UNC80: variants seen among roughly 807,000 people sequenced by gnomAD.
UNC80 encodes the protein protein unc-80 homolog.
UNC80 carries 164 observed loss-of-function variants against 384.6 expected under a neutral mutation model. That is an observed-to-expected ratio of 0.43 (90% CI 0.38 to 0.49). UNC80 has a LOEUF of 0.49. UNC80 is among the 20% of genes least tolerant of loss of function. UNC80 has a pLI of 0.00. For synonymous variants in UNC80, 1,486 were observed against 1,527.8 expected, an observed-to-expected ratio of 0.97 and a Z score of 0.64; for missense variants, 3,330 against 4,143.0, an observed-to-expected ratio of 0.80 and a Z score of 5.39.
At chr2:209,896,537 G>C (rs960234961) in intron 28 of UNC80, 124 bp downstream of exon 28, 1 of 811,416 alleles carries the variant, frequency 1.2e-6, no homozygotes, top group African/African-American at 1.7e-5. Flanking sequence ...GAGAAAGCAG[G>C]GGCTTATGTT....
At chr2:209,846,183 G>A (rs182513597) in intron 21 of UNC80, among the ~76,000 whole-genome samples, 22 of 152,144 alleles carry the variant, frequency 1.4e-4, no homozygotes, top group Admixed American at 3.3e-4. Context: ...CAGTTTAAAT[G>A]CAGTACTTTA....
Position 209,977,058 on chromosome 2 carries a change from A to T in UNC80, c.8918A>T (p.Glu2973Val). 1 of 1,521,192 alleles carries T rather than the reference A, an allele frequency of 6.6e-7. No individual in the cohort carries two copies. The highest frequency in any genetic ancestry group is 8.9e-7 in the Non-Finnish European group (1 of 1,121,952). The allele number at this position is 1,521,192 out of a possible 1,614,324, so 94.2% of individuals were successfully genotyped here. Residue 2973 changes from glutamate (E) to valine (V), a missense_variant, in exon 58 of 65, where the codon GAG (glutamate) becomes GTG (valine). This residue lies in a region of UNC80 where 216 missense variants were observed against 245.3 expected (regional missense o/e 0.88). Transcript: ENST00000673920. ...EFNSELKILK[E>V]AVHSGSAYQG... is the part of the protein sequence containing the mutation. ...AACAGTGAACTAAAAATTCTAAAAG[A>T]GGCAGTTCATAGTGGATCAGGTGAG...
At chr2:209,825,521 C>T (rs770239698) in intron 13 of UNC80, among the ~76,000 whole-genome samples, 31 of 152,126 alleles carry the variant, frequency 2.0e-4, no homozygotes, top group Non-Finnish European at 4.3e-4. Context: ...TAATCCTTTC[C>T]TGGTGTATCA....
At chr2:209,841,054 A>T (rs559630204) in intron 20 of UNC80, among the ~76,000 whole-genome samples, 55 of 150,826 alleles carry the variant, frequency 3.6e-4, no homozygotes, top group African/African-American at 1.3e-3. Flanking sequence ...TTTTGGCACC[A>T]TGTGAACCAC....
chr2:209,965,716 C>T (rs375382550), intron 51 of UNC80, among the ~76,000 whole-genome samples: 18 of 152,114 alleles, frequency 1.2e-4, no homozygotes, highest in African/African-American at 3.6e-4. Flanking sequence ...CCAACACACC[C>T]GGCCAGAAGG....
At chr2:209,977,589 T>C (rs899424139) in intron 58 of UNC80, among the ~76,000 whole-genome samples, 5 of 152,310 alleles carry the variant, frequency 3.3e-5, no homozygotes, top group Admixed American at 3.3e-4. Flanking sequence ...CTTACTACTG[T>C]CACATAGAAA....
At chr2:209,903,236 G>T (rs2087633955) in intron 28 of UNC80, among the ~76,000 whole-genome samples, 1 of 143,828 alleles carries the variant, frequency 7.0e-6, no homozygotes, top group Non-Finnish European at 1.5e-5. Context: ...TCTGCAGTTG[G>T]TTGAATCCAC....
intron 22 of UNC80, among the ~76,000 whole-genome samples, chr2:209,857,603 G>C (rs955438625): frequency 2.6e-5 from 4 of 151,698 alleles, no homozygotes; most frequent in African/African-American, 4.8e-5. Context: ...TTTCTCTCAT[G>C]CTTTGGGCTA....
At chr2:209,804,212 T>C (rs1398748243) in intron 7 of UNC80, among the ~76,000 whole-genome samples, 1 of 152,224 alleles carries the variant, frequency 6.6e-6, no homozygotes, top group African/African-American at 2.4e-5. Context: ...AGGCATAGGA[T>C]ACCTGCTCTG....
rs78173610 is a variant in UNC80, at chr2:209,944,206, T to C, written c.7050+692T>C. On this transcript the variant is annotated intron_variant, in intron 45 of 64. Transcript: ENST00000673920. Reference sequence around the variant, plus strand: ...ATAAATAGACCAACTCTACAGTTTTTTAAATATTCAATTCATAAAAGAGAT... The same window carrying C: ...ATAAATAGACCAACTCTACAGTTTTCTAAATATTCAATTCATAAAAGAGAT... Among the ~76,000 whole-genome samples the C allele has an allele frequency of 3.3e-3, 506 of 152,328 alleles. 2 individuals carry two copies. Among genetic ancestry groups the C allele is most frequent in the African/African-American group, 0.012 (488 of 41,564 alleles).
chr2:209,804,333 C>G (rs917081835), intron 7 of UNC80, among the ~76,000 whole-genome samples: 4 of 152,096 alleles, frequency 2.6e-5, no homozygotes, highest in African/African-American at 9.7e-5. Flanking sequence ...CTATTCCTGC[C>G]CATGGTTCTT....
At position 209,904,859 on chromosome 2, in the gene UNC80, C is replaced by G. The variant is rs1190896933; in HGVS notation, c.4676C>G (p.Ala1559Gly). Residue 1559 changes from alanine to glycine, a missense_variant, in exon 29 of 65, where the codon GCC (alanine) becomes GGC (glycine). This residue lies in a region of UNC80 where 801 missense variants were observed against 950.8 expected (regional missense o/e 0.84). Transcript: ENST00000673920. ...HCYLHHSRSC[A>G]RLVRAIKLLY... ...TACCTGCACCACAGCCGCTCCTGTG[C>G]CCGACTGGTCAGAGCCATCAAGCTA... The G allele has an allele frequency of 3.9e-6, 6 of 1,551,832 alleles. No individual in the cohort carries two copies. The East Asian group carries it at 1.5e-4, about 38-fold the overall frequency.
rs1490724444 is a variant in UNC80 at position 209,793,840 on chromosome 2, A to G, written c.919A>G (p.Arg307Gly). 2 of 1,614,200 alleles carry G rather than the reference A, an allele frequency of 1.2e-6. No homozygotes were observed. The highest frequency in any genetic ancestry group is 1.7e-6 in the Non-Finnish European group (2 of 1,180,022). Residue 307 changes from arginine to glycine, a missense_variant, in exon 7 of 65, where the codon AGA (arginine) becomes GGA (glycine). Physicochemically the swap from Arg to Gly is moderately radical, Grantham distance 125. Transcript: ENST00000673920. The part of the protein sequence containing the change: ...GSLSSQTSQE[R>G]GPSHSRASLV... ...TCTGTCCTCCCAAACTTCCCAGGAA[A>G]GAGGCCCATCACATTCCAGGTACCT...
chr2:209,967,437 G>C lies in UNC80; in HGVS notation c.7806G>C (p.Arg2602Ser). ...LELLDVKSHM[R>S]LAEIAHSLLK... ...ATATATACATATATATATATTTTAG[G>C]TTGGCAGAAATTGCACACTCCCTTC... The change falls in exon 52 of 65, where the codon AGG becomes AGC. Residue 2602 changes from arginine to serine, a missense_variant and splice_region_variant. Physicochemically the swap from Arg to Ser is moderately radical, Grantham distance 110 (BLOSUM62 -1). This residue lies in a region of UNC80 where 1,049 missense variants were observed against 1,488.6 expected (regional missense o/e 0.70). Transcript: ENST00000673920. 4 of 1,548,250 alleles carry C rather than the reference G, an allele frequency of 2.6e-6. No homozygotes were observed. The highest frequency in any genetic ancestry group is 3.5e-6 in the Non-Finnish European group (4 of 1,145,514).
intron 24 of UNC80, among the ~76,000 whole-genome samples, chr2:209,878,485 A>G (rs1574857348): frequency 6.6e-6 from 1 of 152,228 alleles, no homozygotes; most frequent in Non-Finnish European, 1.5e-5. Flanking sequence ...AAATCAGACC[A>G]AATAAAATTG....
At chr2:209,786,677 G>T (rs1477994482) in intron 5 of UNC80, among the ~76,000 whole-genome samples, 2 of 152,090 alleles carry the variant, frequency 1.3e-5, no homozygotes. Flanking sequence ...CTGTTCAACT[G>T]TAGAAAGAAC....
chr2:209,896,655 C>T (rs932544139), intron 28 of UNC80, among the ~76,000 whole-genome samples: 4 of 152,074 alleles, frequency 2.6e-5, no homozygotes, highest in Admixed American at 1.3e-4. Flanking sequence ...TTGCAGGTCA[C>T]CATAAATCAG....
rs928621192 is a variant in UNC80 at position 209,976,504 on chromosome 2, T to TA, written c.8772+203dup. 6.6e-6 allele frequency among the ~76,000 whole-genome samples: 1 copy of TA among 152,180 alleles called. No individual in the cohort carries two copies. The highest frequency in any genetic ancestry group is 2.4e-5 in the African/African-American group (1 of 41,436). On this transcript the variant is annotated intron_variant, in intron 57 of 64. Coordinates refer to ENST00000673920, the MANE Select transcript of UNC80 (RefSeq NM_001371986.1). This position sits in a 1 kb window ranked among gnomAD's most constrained non-coding sequence, Gnocchi z 4.3. Reference sequence around the variant, plus strand: ...TTTCACACTAGAAATGCCTTCACAGTAAGAGCTTTGTTGGAGTCTGTAAAA... The same window carrying TA: ...TTTCACACTAGAAATGCCTTCACAGTAAAGAGCTTTGTTGGAGTCTGTAAAA...
chr2:209,983,332 A>T (rs1207725231), intron 60 of UNC80, among the ~76,000 whole-genome samples: 2 of 130,602 alleles, frequency 1.5e-5, no homozygotes, highest in African/African-American at 4.9e-5. Flanking sequence ...TAAAATGATA[A>T]ATCATTAATA....
Sources: gnomAD v4.1 joint callset for allele counts (sites outside exome capture counted in the v4.1 genomes callset) on GRCh38, gnomAD v4.1.1 for gene constraint, gnomAD v4.1.1 regional missense constraint, Gnocchi (gnomAD v3.1) non-coding constraint, MANE v1.5 for transcripts, NCBI Gene and HGNC (gene_info 2026-07-23, HGNC 2026-07-21) for gene names.